The following CDC42BPA variants were observed in gnomAD, a reference collection of about 807,000 sequenced individuals.
The protein encoded by CDC42BPA is serine/threonine-protein kinase MRCK alpha.
In CDC42BPA, 80 loss-of-function variants were observed where a neutral mutation model predicts 223.5. The observed-to-expected ratio is 0.36, with a 90% confidence interval of 0.30 to 0.43. The LOEUF (loss-of-function observed/expected upper bound fraction) is 0.43. Ranked by LOEUF, CDC42BPA falls within the 20% of genes least tolerant of loss-of-function variation. The pLI is 1.00. For synonymous variants in CDC42BPA, 694 were observed against 718.6 expected (o/e 0.97, Z 0.55); for missense variants, 1,743 against 2,099.9 (o/e 0.83, Z 3.32).
intron 11 of CDC42BPA, among the ~76,000 whole-genome samples, chr1:227,125,714 C>G (rs1179775165): frequency 6.6e-6 from 1 of 151,824 alleles, no homozygotes; most frequent in Non-Finnish European, 1.5e-5. Context: ...CACGGGGAAC[C>G]TGGACTTCTA....
chr1:227,210,438 T>C (rs1483906431), intron 3 of CDC42BPA, among the ~76,000 whole-genome samples: 1 of 152,168 alleles, frequency 6.6e-6, no homozygotes, highest in Non-Finnish European at 1.5e-5. Context: ...TATATATAAA[T>C]GTCCAGAATC....
intron 5 of CDC42BPA, among the ~76,000 whole-genome samples, chr1:227,165,443 A>G (rs1664865217): frequency 6.7e-6 from 1 of 150,146 alleles, no homozygotes; most frequent in African/African-American, 2.5e-5. Context: ...TACACATAAA[A>G]GGAAATTTTA....
chr1:227,283,304 T>C (rs1260621518), intron 1 of CDC42BPA, among the ~76,000 whole-genome samples: 2 of 152,182 alleles, frequency 1.3e-5, no homozygotes, highest in African/African-American at 4.8e-5. Context: ...ATAAGCTTTC[T>C]ATATACACAT....
At chr1:227,071,326 A>T (rs11808884) in intron 20 of CDC42BPA, among the ~76,000 whole-genome samples, 1 of 151,800 alleles carries the variant, frequency 6.6e-6, no homozygotes, top group Admixed American at 6.6e-5. Flanking sequence ...TAACGAGTTC[A>T]GTATTCAGTG....
intron 10 of CDC42BPA, among the ~76,000 whole-genome samples, chr1:227,132,814 C>G (rs896359469): frequency 2.6e-5 from 4 of 151,514 alleles, no homozygotes; most frequent in Non-Finnish European, 5.9e-5. Flanking sequence ...GCGCCTCTGC[C>G]CGGCCGCAAC....
At chr1:226,995,053 G>A (rs2297419) in intron 35 of CDC42BPA, 73 bp from the exon 36 acceptor site, 278,198 of 1,382,008 alleles carry the variant, frequency 0.2, 29,181 homozygotes, top group Non-Finnish European at 0.22. Context: ...ACAGACTGCT[G>A]AGCTGACAGG....
chr1:227,009,732 C>T (rs1664804608), intron 34 of CDC42BPA, among the ~76,000 whole-genome samples: 1 of 152,082 alleles, frequency 6.6e-6, no homozygotes, highest in Admixed American at 6.6e-5. Flanking sequence ...TCCTGATTAA[C>T]ATATACAAAA....
intron 22 of CDC42BPA, 113 bp downstream of exon 22, chr1:227,051,768 C>T: frequency 1.9e-6 from 1 of 530,266 alleles, no homozygotes; most frequent in Non-Finnish European, 3.5e-6. Flanking sequence ...CTCCAATAGA[C>T]TGTAACTTAT....
chr1:227,092,036 C>A (rs2149247050), intron 15 of CDC42BPA, 45 bp from the exon 16 acceptor site: 3 of 1,050,728 alleles, frequency 2.9e-6, no homozygotes, highest in South Asian at 3.1e-5. Context: ...AATTAAAGGT[C>A]ATTTGAAAAC....
intron 16 of CDC42BPA, among the ~76,000 whole-genome samples, chr1:227,091,632 G>C (rs529018257): frequency 4.6e-5 from 7 of 152,256 alleles, no homozygotes; most frequent in African/African-American, 1.7e-4. Context: ...TAATTGGATG[G>C]AGAGTGAAAT....
In CDC42BPA at chr1:227,127,877, C is replaced by T. The variant is rs546323622; in HGVS notation, c.1513+1232G>A. ...AAGATGCTACATTAGATTATTTCTTCTCTTTCACTTATTTTTGCCTAAAAC... is the reference window on the plus strand; with the variant it reads ...AAGATGCTACATTAGATTATTTCTTTTCTTTCACTTATTTTTGCCTAAAAC... On this transcript the variant is annotated intron_variant, in intron 11 of 36. Coordinates refer to ENST00000366766, the MANE Select transcript of CDC42BPA (RefSeq NM_001394014.1). Among the ~76,000 whole-genome samples, 35 of 152,240 alleles carry T rather than the reference C, an allele frequency of 2.3e-4. 1 individual carries two copies. Among genetic ancestry groups the T allele is most frequent in the Middle Eastern group, 6.8e-3 (2 of 294 alleles).
intron 12 of CDC42BPA, 102 bp from the exon 13 acceptor site, chr1:227,113,015 T>A (rs1687175416): frequency 9.4e-7 from 1 of 1,066,652 alleles, no homozygotes; most frequent in African/African-American, 1.6e-5. Context: ...GCCAAAATTA[T>A]TCACCTTAGG....
chr1:227,194,156 C>A (rs1558726963), intron 4 of CDC42BPA, among the ~76,000 whole-genome samples: 1 of 152,110 alleles, frequency 6.6e-6, no homozygotes, highest in Non-Finnish European at 1.5e-5. Context: ...GGGCAGAGAA[C>A]AACACAGGGT....
intron 1 of CDC42BPA, among the ~76,000 whole-genome samples, chr1:227,256,835 A>G (rs1393895083): frequency 6.6e-6 from 1 of 152,130 alleles, no homozygotes; most frequent in Non-Finnish European, 1.5e-5. Context: ...ATTCAAACAG[A>G]TATCTGTACA....
At chr1:227,166,436 C>T (rs540644714) in intron 5 of CDC42BPA, among the ~76,000 whole-genome samples, 5 of 152,274 alleles carry the variant, frequency 3.3e-5, no homozygotes, top group African/African-American at 1.2e-4. Flanking sequence ...TTCCATCTAG[C>T]TGGCCTGAAT....
At chr1:227,053,916 A>G (rs1674035093) in intron 21 of CDC42BPA, among the ~76,000 whole-genome samples, 1 of 152,190 alleles carries the variant, frequency 6.6e-6, no homozygotes, top group South Asian at 2.1e-4. Context: ...AGTTTTCATA[A>G]GATTATACAC....
In CDC42BPA at chr1:227,073,702, T is replaced by C. The variant is rs10495260; in HGVS notation, c.2735+162A>G. Reference sequence around the variant, plus strand: ...AGGCTATATTAAAACCTCATCACTATCTACAAGGCTTAAAAGCATCTAGTT... The same window carrying C: ...AGGCTATATTAAAACCTCATCACTACCTACAAGGCTTAAAAGCATCTAGTT... On this transcript the variant is annotated intron_variant, in intron 19 of 36. Transcript: ENST00000366766. 0.21 allele frequency among the ~76,000 whole-genome samples: 31,215 copies of C among 152,074 alleles called. 3,308 individuals carry two copies. The highest frequency in any genetic ancestry group is 0.26 in the East Asian group (1,333 of 5,178).
chr1:227,202,080 G>A (rs938116481), intron 3 of CDC42BPA, among the ~76,000 whole-genome samples: 1 of 152,086 alleles, frequency 6.6e-6, no homozygotes, highest in Non-Finnish European at 1.5e-5. Flanking sequence ...GCCTCCGGGT[G>A]TGAGCAATTC....
intron 1 of CDC42BPA, among the ~76,000 whole-genome samples, chr1:227,295,361 T>C (rs1025418341): frequency 2.6e-5 from 4 of 152,062 alleles, no homozygotes; most frequent in Non-Finnish European, 5.9e-5. Context: ...GGTTTCACCA[T>C]GTTGCCCGGC....
Sources: allele counts gnomAD v4.1 joint callset (sites outside exome capture counted in the v4.1 genomes callset), GRCh38; gene constraint gnomAD v4.1.1; transcripts MANE v1.5; gene names NCBI Gene and HGNC (gene_info 2026-07-23, HGNC 2026-07-21).